The following NELL1 variants were observed in gnomAD, a reference collection of about 807,000 sequenced individuals.
The protein encoded by NELL1 is protein kinase C-binding protein NELL1.
NELL1 carries 76 observed loss-of-function variants against 107.4 expected under a neutral mutation model. The ratio of observed to expected loss-of-function variants is 0.71; its 90% confidence interval spans 0.59 to 0.86. The LOEUF is 0.86. NELL1 is among the 40% of genes least tolerant of loss of function. NELL1 has a pLI of 0.00. For synonymous variants in NELL1, 353 were observed against 341.2 expected, an observed-to-expected ratio of 1.03 and a Z score of -0.38; for missense variants, 1,024 against 1,005.5, an observed-to-expected ratio of 1.02 and a Z score of -0.25.
At chr11:21,018,549 G>A (rs968837666) in intron 12 of NELL1, among the ~76,000 whole-genome samples, 2 of 152,096 alleles carry the variant, frequency 1.3e-5, no homozygotes, top group African/African-American at 4.8e-5. Flanking sequence ...TCTTCAGAGA[G>A]AGAGACAGAG....
chr11:21,169,263 A>C (rs560474669), intron 13 of NELL1, among the ~76,000 whole-genome samples: 1 of 151,708 alleles, frequency 6.6e-6, no homozygotes, highest in African/African-American at 2.4e-5. Context: ...CACACAGGGT[A>C]CTCTCCTGTT....
Position 21,575,318 on chromosome 11 carries a change from A to G in NELL1, c.*296A>G. ...CCCTTATCAGATCATTTGCAAATAC[A>G]TTTAAATGATCTCATGGTAAATGTT... On this transcript the variant is annotated 3_prime_UTR_variant, in exon 20 of 20. Coordinates refer to ENST00000357134, the MANE Select transcript of NELL1 (RefSeq NM_006157.5). 1 of 293,486 alleles carries G rather than the reference A, an allele frequency of 3.4e-6. No individual in the cohort carries two copies. The highest frequency in any genetic ancestry group is 7.5e-5 in the South Asian group (1 of 13,262). 18.2% of individuals were successfully genotyped at this position (293,486 alleles called of 1,614,324 possible).
intron 14 of NELL1, among the ~76,000 whole-genome samples, chr11:21,322,401 G>A (rs1270404107): frequency 6.6e-6 from 1 of 152,150 alleles, no homozygotes; most frequent in Non-Finnish European, 1.5e-5. Context: ...TGAGATTGGA[G>A]GGCATACACC....
chr11:21,213,150 A>C (rs1391712147), intron 13 of NELL1, among the ~76,000 whole-genome samples: 3 of 152,160 alleles, frequency 2.0e-5, no homozygotes, highest in African/African-American at 7.2e-5. Context: ...TGAAATATCT[A>C]GTTAAAAGTC....
chr11:21,319,735 G>A (rs1306504308), intron 14 of NELL1, among the ~76,000 whole-genome samples: 3 of 151,724 alleles, frequency 2.0e-5, no homozygotes, highest in African/African-American at 7.3e-5. Context: ...GGATCATGAG[G>A]TCAGGAGATT....
chr11:21,369,632 G>A (rs1338037206), intron 14 of NELL1, among the ~76,000 whole-genome samples: 5 of 152,048 alleles, frequency 3.3e-5, no homozygotes, highest in African/African-American at 4.8e-5. Flanking sequence ...TTAATTTTGA[G>A]TGAGCATGGC....
intron 14 of NELL1, among the ~76,000 whole-genome samples, chr11:21,312,794 T>C (rs1565162294): frequency 6.6e-6 from 1 of 152,186 alleles, no homozygotes; most frequent in Non-Finnish European, 1.5e-5. Context: ...CATTTTATAG[T>C]TTATTAAAAT....
chr11:20,940,677 G>A (rs541182947), intron 10 of NELL1, among the ~76,000 whole-genome samples: 1 of 152,266 alleles, frequency 6.6e-6, no homozygotes, highest in African/African-American at 2.4e-5. Context: ...TCCGAAACGG[G>A]AACATCATTC....
chr11:21,551,679 A>C lies in NELL1; in HGVS notation c.1787-8510A>C, dbSNP rs558208360. 3.1e-3 allele frequency among the ~76,000 whole-genome samples: 470 copies of C among 151,580 alleles called. 3 individuals are homozygous for C. Among genetic ancestry groups the C allele is most frequent in the African/African-American group, 0.011 (444 of 41,424 alleles). ...TGTGGAGAAATAGGAACACTTTTAC[A>C]CTGTTGGTGGGACTGTAAACCAGTT... On this transcript the variant is annotated intron_variant, in intron 16 of 19. Coordinates refer to ENST00000357134, the MANE Select transcript of NELL1 (RefSeq NM_006157.5).
intron 2 of NELL1, among the ~76,000 whole-genome samples, chr11:20,707,094 G>T (rs781047645): frequency 6.6e-6 from 1 of 151,952 alleles, no homozygotes; most frequent in Non-Finnish European, 1.5e-5. Flanking sequence ...TTCTCTTCTC[G>T]CTTCATTTCA....
chr11:20,884,058 A>G (rs1383943226), intron 4 of NELL1, among the ~76,000 whole-genome samples: 1 of 152,178 alleles, frequency 6.6e-6, no homozygotes, highest in Non-Finnish European at 1.5e-5. Context: ...TAATGGAAGG[A>G]TAATTAGTAG....
At chr11:20,960,841 T>C (rs1265510393) in intron 12 of NELL1, among the ~76,000 whole-genome samples, 1 of 152,162 alleles carries the variant, frequency 6.6e-6, no homozygotes, top group East Asian at 1.9e-4. Flanking sequence ...CACATAACAA[T>C]CACTAGATCA....
At chr11:21,223,217 C>T (rs1413790544) in intron 13 of NELL1, among the ~76,000 whole-genome samples, 2 of 151,860 alleles carry the variant, frequency 1.3e-5, no homozygotes, top group African/African-American at 2.4e-5. Context: ...GATGTAGTAA[C>T]ATTTGCTTTA....
chr11:21,089,420 T>C (rs1258996380), intron 12 of NELL1, among the ~76,000 whole-genome samples: 1 of 152,192 alleles, frequency 6.6e-6, no homozygotes, highest in African/African-American at 2.4e-5. Context: ...GAATGTCTTC[T>C]CCCCTGTGGT....
Position 21,171,395 on chromosome 11 carries a change from T to C in NELL1, c.1426+57681T>C, listed in dbSNP as rs921370857. Among the ~76,000 whole-genome samples, 7 of 151,912 alleles carry C rather than the reference T, an allele frequency of 4.6e-5. 1 individual carries two copies. The highest frequency in any genetic ancestry group is 1.5e-4 in the African/African-American group (6 of 41,156). On this transcript the variant is annotated intron_variant, in intron 13 of 19. Coordinates refer to ENST00000357134, the MANE Select transcript of NELL1 (RefSeq NM_006157.5). Reference sequence around the variant, plus strand: ...ATAATTGTTAACATTTTGGTACATATACTTTTATCCTTGTCTATGCACAAA... The same window carrying C: ...ATAATTGTTAACATTTTGGTACATACACTTTTATCCTTGTCTATGCACAAA...
chr11:20,979,597 C>A (rs2176315), intron 12 of NELL1, among the ~76,000 whole-genome samples: 2 of 152,062 alleles, frequency 1.3e-5, no homozygotes, highest in Non-Finnish European at 2.9e-5. Flanking sequence ...GCGTATTCTG[C>A]CTAATTGGAA....
chr11:21,197,740 T>A (rs1857185665), intron 13 of NELL1, among the ~76,000 whole-genome samples: 1 of 152,182 alleles, frequency 6.6e-6, no homozygotes, highest in South Asian at 2.1e-4. Context: ...CACCTCACTT[T>A]AACGATGGGA....
At chr11:20,760,592 G>C (rs1856397761) in intron 2 of NELL1, among the ~76,000 whole-genome samples, 1 of 152,190 alleles carries the variant, frequency 6.6e-6, no homozygotes, top group Admixed American at 6.5e-5. Flanking sequence ...AGTGTGTCCA[G>C]CCAGTGGAGG....
At chr11:21,178,078 C>T (rs532976485) in intron 13 of NELL1, among the ~76,000 whole-genome samples, 4 of 151,750 alleles carry the variant, frequency 2.6e-5, no homozygotes, top group Non-Finnish European at 5.9e-5. Context: ...TGTCTCTTCA[C>T]TCTGTTAATT....
Sources: allele counts gnomAD v4.1 joint callset (sites outside exome capture counted in the v4.1 genomes callset), GRCh38; gene constraint gnomAD v4.1.1; transcripts MANE v1.5; gene names NCBI Gene and HGNC (gene_info 2026-07-23, HGNC 2026-07-21).